Variants in ERC1 observed in about 807,000 individuals in gnomAD.
ERC1 encodes the protein RAB6 interacting protein 2.
In ERC1, 56 loss-of-function variants were observed where a neutral mutation model predicts 132.0. That is an observed-to-expected ratio of 0.42 (90% CI 0.34 to 0.53). The LOEUF (loss-of-function observed/expected upper bound fraction) is 0.53, where lower values mean the gene tolerates loss of function less well. Among genes scored for constraint, ERC1 ranks in the 20% least tolerant of loss-of-function variants. The pLI, the probability that ERC1 is intolerant of heterozygous loss-of-function variation, is 0.03. For synonymous variants in ERC1, 478 were observed against 476.1 expected, an observed-to-expected ratio of 1.00 and a Z score of -0.05; for missense variants, 1,202 against 1,349.9, an observed-to-expected ratio of 0.89 and a Z score of 1.72.
chr12:1,021,391 G>T (rs914701446), intron 1 of ERC1, among the ~76,000 whole-genome samples: 1 of 152,002 alleles, frequency 6.6e-6, no homozygotes, highest in East Asian at 1.9e-4. Flanking sequence ...CAAAGAGCAG[G>T]CCTACTTACT....
intron 14 of ERC1, among the ~76,000 whole-genome samples, chr12:1,271,392 A>G (rs1329386334): frequency 6.6e-6 from 1 of 152,204 alleles, no homozygotes; most frequent in Non-Finnish European, 1.5e-5. Flanking sequence ...AGAGAAAACA[A>G]AGATGGCCAT....
intron 17 of ERC1, among the ~76,000 whole-genome samples, chr12:1,440,383 T>A (rs1430984648): frequency 6.6e-6 from 1 of 150,630 alleles, no homozygotes; most frequent in Admixed American, 6.6e-5. Flanking sequence ...TTTTTTTGTA[T>A]TTTTAGTAGA....
intron 7 of ERC1, among the ~76,000 whole-genome samples, chr12:1,137,100 CTTT>C (rs944757047): frequency 8.1e-6 from 1 of 122,900 alleles, no homozygotes; most frequent in Non-Finnish European, 1.7e-5. Flanking sequence ...TTTTTCTTTT[CTTT>C]TTTTTTTTTT....
chr12:1,342,467 T>TG (rs2084002139), intron 15 of ERC1, among the ~76,000 whole-genome samples: 1 of 72,034 alleles, frequency 1.4e-5, no homozygotes, highest in Non-Finnish European at 3.2e-5. Flanking sequence ...AAACTCTGTC[T>TG]CAAAAAAAAA....
At chr12:1,200,644 C>T (rs192963927) in intron 12 of ERC1, among the ~76,000 whole-genome samples, 71 of 152,082 alleles carry the variant, frequency 4.7e-4, no homozygotes, top group African/African-American at 1.6e-3. Flanking sequence ...CTGCAAGCTC[C>T]GCCTCCCGGG....
chr12:1,133,586 T>G (rs1032233341), intron 7 of ERC1, among the ~76,000 whole-genome samples: 1 of 152,222 alleles, frequency 6.6e-6, no homozygotes, highest in Non-Finnish European at 1.5e-5. Context: ...TTGCAATCCT[T>G]TTCTTTTAAC....
intron 2 of ERC1, among the ~76,000 whole-genome samples, chr12:1,044,345 C>T (rs1012729052): frequency 6.6e-6 from 1 of 152,088 alleles, no homozygotes; most frequent in Non-Finnish European, 1.5e-5. Context: ...ATCATAATGC[C>T]CAAATTCAAA....
chr12:1,362,506 CGAG>C (rs2086235434), intron 15 of ERC1, among the ~76,000 whole-genome samples: 1 of 151,912 alleles, frequency 6.6e-6, no homozygotes, highest in Non-Finnish European at 1.5e-5. Flanking sequence ...AAAGAGGACT[CGAG>C]GAAAAAATAT....
chr12:1,030,458 C>T (rs748458015), intron 2 of ERC1, among the ~76,000 whole-genome samples: 2 of 152,190 alleles, frequency 1.3e-5, no homozygotes, highest in East Asian at 1.9e-4. Context: ...TGTGGTAGCT[C>T]GCACCTGTAC....
chr12:1,167,448 T>G (rs1390803635), intron 8 of ERC1, among the ~76,000 whole-genome samples: 1 of 152,250 alleles, frequency 6.6e-6, no homozygotes, highest in Non-Finnish European at 1.5e-5. Flanking sequence ...AAGAAGTTAT[T>G]AAATCAGACT....
rs183540328 is a variant in ERC1 at position 1,329,273 on chromosome 12, G to A, written c.2780+39261G>A. Among the ~76,000 whole-genome samples, 362 of 139,172 alleles carry A rather than the reference G, an allele frequency of 2.6e-3. 26 individuals carry two copies. The highest frequency in any genetic ancestry group is 0.023 in the Admixed American group (320 of 13,740). 91.3% of individuals were successfully genotyped at this position (139,172 alleles called of 152,430 possible). A position where few individuals can be genotyped will look rare whatever the true frequency, so the allele number is the denominator to read the frequency against. ...CACGCCACTGCACTTCAGCTTGGGC[G>A]ACAGAGCAAGACTCTGAATCAAAAA... On this transcript the variant is annotated intron_variant, in intron 15 of 18. Coordinates refer to ENST00000360905, the MANE Select transcript of ERC1 (RefSeq NM_178040.4).
chr12:1,300,872 A>G (rs893387404), intron 15 of ERC1, among the ~76,000 whole-genome samples: 1 of 152,196 alleles, frequency 6.6e-6, no homozygotes, highest in East Asian at 1.9e-4. Flanking sequence ...TAGTTCAACC[A>G]TTGTGGAAGA....
intron 16 of ERC1, among the ~76,000 whole-genome samples, chr12:1,376,922 C>T (rs914477532): frequency 1.3e-5 from 2 of 152,170 alleles, no homozygotes; most frequent in African/African-American, 2.4e-5. Context: ...TCGGTACACG[C>T]GGTCTTTCTC....
intron 12 of ERC1, among the ~76,000 whole-genome samples, chr12:1,198,332 G>C (rs921700450): frequency 3.3e-5 from 5 of 152,088 alleles, no homozygotes; most frequent in African/African-American, 1.2e-4. Flanking sequence ...AAGTAATTTT[G>C]GATCCTAAAC....
At chr12:1,333,402 G>A (rs1355848441) in intron 15 of ERC1, among the ~76,000 whole-genome samples, 1 of 147,274 alleles carries the variant, frequency 6.8e-6, no homozygotes, top group East Asian at 2.0e-4. Flanking sequence ...GCGCGACGTC[G>A]GCTCACTGCA....
At chr12:1,139,635 A>G (rs1268392624) in intron 7 of ERC1, among the ~76,000 whole-genome samples, 1 of 152,170 alleles carries the variant, frequency 6.6e-6, no homozygotes, top group Non-Finnish European at 1.5e-5. Context: ...AAAAATATAC[A>G]TGAACACATG....
At chr12:1,460,020 T>TA (rs2093615007) in intron 18 of ERC1, among the ~76,000 whole-genome samples, 1 of 152,216 alleles carries the variant, frequency 6.6e-6, no homozygotes, top group South Asian at 2.1e-4. Flanking sequence ...ATGACAAATG[T>TA]AAAATGTTAG....
intron 18 of ERC1, among the ~76,000 whole-genome samples, chr12:1,487,498 A>T (rs1301196426): frequency 7.1e-6 from 1 of 140,496 alleles, no homozygotes; most frequent in Non-Finnish European, 1.5e-5. Flanking sequence ...TGAGGCCAGG[A>T]GTTCAAGACC....
Position 991,311 on chromosome 12 carries a change from G to T in ERC1, c.-168G>T, listed in dbSNP as rs1193589108. 1 of 166,814 alleles carries T rather than the reference G, an allele frequency of 6.0e-6. No individual in the cohort carries two copies. The highest frequency in any genetic ancestry group is 1.2e-5 in the Non-Finnish European group (1 of 80,146). The allele number at this position is 166,814 out of a possible 1,614,324, so 10.3% of individuals were successfully genotyped here. A position where few individuals can be genotyped will look rare whatever the true frequency, so the allele number is the denominator to read the frequency against. ...GGCGGCAGCAGCAGCAGTAGCGGCA[G>T]CCCTGAGGACGGTGAGACGGCCGCG... On this transcript the variant is annotated 5_prime_UTR_variant, in exon 1 of 19. Coordinates refer to ENST00000360905, the MANE Select transcript of ERC1 (RefSeq NM_178040.4).
Sources: gnomAD v4.1 joint callset for allele counts (sites outside exome capture counted in the v4.1 genomes callset) on GRCh38, gnomAD v4.1.1 for gene constraint, MANE v1.5 for transcripts, NCBI Gene and HGNC (gene_info 2026-07-23, HGNC 2026-07-21) for gene names.